The following CTNNA2 variants were observed in gnomAD, a reference collection of about 807,000 sequenced individuals.
The protein encoded by CTNNA2 is catenin alpha-2.
Under a neutral mutation model 101.0 loss-of-function variants are expected in CTNNA2, and 42 were observed. That is an observed-to-expected ratio of 0.42 (90% CI 0.32 to 0.54). The LOEUF (loss-of-function observed/expected upper bound fraction) is 0.54. Among genes scored for constraint, CTNNA2 ranks in the 20% least tolerant of loss-of-function variants. The probability of loss-of-function intolerance (pLI) is 0.14; values close to 1 mark genes in which losing one functional copy is unlikely to be tolerated. For synonymous variants in CTNNA2, 450 were observed against 456.4 expected, an observed-to-expected ratio of 0.99 and a Z score of 0.18; for missense variants, 871 against 1,223.1, an observed-to-expected ratio of 0.71 and a Z score of 4.29.
At chr2:79,595,259 A>G (rs944225064) in intron 1 of CTNNA2, among the ~76,000 whole-genome samples, 1 of 151,868 alleles carries the variant, frequency 6.6e-6, no homozygotes, top group African/African-American at 2.4e-5. Context: ...TCCAGGTCCC[A>G]TTTTTCACCG....
intron 4 of CTNNA2, among the ~76,000 whole-genome samples, chr2:79,865,860 T>C (rs1359505920): frequency 3.3e-5 from 5 of 152,162 alleles, no homozygotes; most frequent in Non-Finnish European, 7.4e-5. Context: ...GCTGGGACTA[T>C]AGGCACCCAC....
At chr2:80,357,087 A>T (rs992131782) in intron 7 of CTNNA2, among the ~76,000 whole-genome samples, 1 of 152,148 alleles carries the variant, frequency 6.6e-6, no homozygotes, top group African/African-American at 2.4e-5. Flanking sequence ...GGAGTGCTTA[A>T]ATTATAGCAA....
chr2:79,711,000 A>G (rs1448973544), intron 2 of CTNNA2, among the ~76,000 whole-genome samples: 1 of 152,214 alleles, frequency 6.6e-6, no homozygotes, highest in Non-Finnish European at 1.5e-5. Context: ...AGGAAAAGAA[A>G]TGTTGGATTA....
At chr2:80,097,882 T>G (rs1310799467) in intron 7 of CTNNA2, among the ~76,000 whole-genome samples, 1 of 152,212 alleles carries the variant, frequency 6.6e-6, no homozygotes, top group Non-Finnish European at 1.5e-5. Context: ...CTTCTCTGCA[T>G]TGGTTATTCT....
chr2:80,526,793 T>C (rs530970037), intron 9 of CTNNA2, among the ~76,000 whole-genome samples: 282 of 152,368 alleles, frequency 1.9e-3, no homozygotes, highest in Admixed American at 4.7e-3. Context: ...TTTCAGGTGC[T>C]GTGAGAATTG....
chr2:80,530,642 G>C (rs919205447), intron 9 of CTNNA2, among the ~76,000 whole-genome samples: 1 of 152,156 alleles, frequency 6.6e-6, no homozygotes, highest in Non-Finnish European at 1.5e-5. Flanking sequence ...AGCAGAACTG[G>C]GATGAGCCTG....
chr2:80,129,060 T>C (rs1250084242), intron 7 of CTNNA2, among the ~76,000 whole-genome samples: 3 of 152,180 alleles, frequency 2.0e-5, no homozygotes, highest in Non-Finnish European at 4.4e-5. Context: ...TGCCAAGATA[T>C]GATTCTAAGA....
At chr2:79,636,516 T>C (rs1680080838) in intron 1 of CTNNA2, among the ~76,000 whole-genome samples, 1 of 151,934 alleles carries the variant, frequency 6.6e-6, no homozygotes, top group Non-Finnish European at 1.5e-5. Flanking sequence ...AGTATAGTAT[T>C]CTATTCTTGA....
At chr2:79,851,354 T>A (rs1178727790) in intron 3 of CTNNA2, among the ~76,000 whole-genome samples, 1 of 152,224 alleles carries the variant, frequency 6.6e-6, no homozygotes, top group Non-Finnish European at 1.5e-5. Context: ...TGATAAAATG[T>A]TCTGAAGTTG....
At chr2:79,643,437 A>C (rs749585259) in intron 1 of CTNNA2, among the ~76,000 whole-genome samples, 12 of 152,148 alleles carry the variant, frequency 7.9e-5, no homozygotes, top group Non-Finnish European at 1.5e-4. Context: ...GTCACAAATG[A>C]AAATTATCCA....
chr2:80,559,595 C>A (rs1457382388), intron 12 of CTNNA2, among the ~76,000 whole-genome samples: 1 of 152,044 alleles, frequency 6.6e-6, no homozygotes. Context: ...TATTAGTATG[C>A]TAAGAATTAT....
intron 7 of CTNNA2, among the ~76,000 whole-genome samples, chr2:80,284,196 T>C (rs1674584563): frequency 6.6e-6 from 1 of 152,154 alleles, no homozygotes; most frequent in African/African-American, 2.4e-5. Flanking sequence ...AACAATTGAA[T>C]GGAATTACTA....
At chr2:80,131,621 A>G (rs1702419582) in intron 7 of CTNNA2, among the ~76,000 whole-genome samples, 1 of 152,200 alleles carries the variant, frequency 6.6e-6, no homozygotes. Context: ...GGTAGGGGGT[A>G]GAATCTTCCA....
intron 3 of CTNNA2, among the ~76,000 whole-genome samples, chr2:79,768,778 C>T (rs17017837): frequency 0.18 from 26,886 of 152,056 alleles, 2,920 homozygotes; most frequent in East Asian, 0.52. Flanking sequence ...CCCTAACACA[C>T]GCCAACTCTC....
chr2:80,637,949 T>C (rs1207130739), intron 18 of CTNNA2, among the ~76,000 whole-genome samples: 1 of 152,206 alleles, frequency 6.6e-6, no homozygotes, highest in Non-Finnish European at 1.5e-5. Flanking sequence ...TAGCAGCAGA[T>C]ACCATGTTCA....
intron 5 of CTNNA2, among the ~76,000 whole-genome samples, chr2:79,871,149 C>T (rs1185659318): frequency 2.0e-5 from 3 of 152,148 alleles, no homozygotes; most frequent in African/African-American, 4.8e-5. Flanking sequence ...TTGGGCCATT[C>T]GTAGTTTCTC....
At chr2:79,299,676 T>G (rs1676062835) in intron 2 of CTNNA2, among the ~76,000 whole-genome samples, 1 of 152,096 alleles carries the variant, frequency 6.6e-6, no homozygotes, top group African/African-American at 2.4e-5. Context: ...GACACAGCAA[T>G]AGGTATACAA....
intron 7 of CTNNA2, among the ~76,000 whole-genome samples, chr2:80,344,024 C>A (rs917809244): frequency 3.3e-5 from 5 of 152,148 alleles, no homozygotes; most frequent in Admixed American, 6.5e-5. Flanking sequence ...TGAGGCCTCT[C>A]CAATCAGGCT....
At chr2:80,059,544 G>T (rs928517588) in intron 7 of CTNNA2, among the ~76,000 whole-genome samples, 42 of 152,134 alleles carry the variant, frequency 2.8e-4, no homozygotes, top group African/African-American at 8.9e-4. Context: ...TATTTTAGTC[G>T]CTTGGATACT....
Sources: allele counts gnomAD v4.1 joint callset (sites outside exome capture counted in the v4.1 genomes callset), GRCh38; gene constraint gnomAD v4.1.1; transcripts MANE v1.5; gene names NCBI Gene and HGNC (gene_info 2026-07-23, HGNC 2026-07-21).